Variants in DCT observed in about 807,000 individuals in gnomAD.
The protein encoded by DCT is L-dopachrome tautomerase.
DCT carries 47 observed loss-of-function variants against 53.0 expected under a neutral mutation model. That is an observed-to-expected ratio of 0.89 (90% CI 0.70 to 1.13). The LOEUF is 1.13. Among genes scored for constraint, DCT ranks in the 50% most tolerant of loss-of-function variants. The probability of loss-of-function intolerance (pLI) is 0.00; values close to 1 mark genes in which losing one functional copy is unlikely to be tolerated. For synonymous variants in DCT, 244 were observed against 237.0 expected (o/e 1.03, Z -0.27); for missense variants, 669 against 637.4 (o/e 1.05, Z -0.53).
chr13:94,521,552 C>T, the DCT span, among the ~76,000 whole-genome samples: 19 of 152,136 alleles, frequency 1.2e-4, no homozygotes, highest in Non-Finnish European at 2.1e-4. Flanking sequence ...TGCCTGTAGT[C>T]CCAGCTACTC....
At chr13:94,544,862 A>G in the DCT span, among the ~76,000 whole-genome samples, 1 of 152,156 alleles carries the variant, frequency 6.6e-6, no homozygotes, top group South Asian at 2.1e-4. Flanking sequence ...GTACACATTG[A>G]TGACACAAAA....
chr13:94,467,278 T>C (rs1019797703), intron 2 of DCT: 4 of 152,254 alleles, frequency 2.6e-5, no homozygotes, highest in African/African-American at 9.6e-5. Context: ...CCAATTTTAG[T>C]GAAAAGCTCT....
At chr13:94,507,722 G>A in the DCT span, among the ~76,000 whole-genome samples, 4 of 152,066 alleles carry the variant, frequency 2.6e-5, no homozygotes, top group African/African-American at 4.8e-5. Flanking sequence ...GGATGGTCTC[G>A]ATCTCCTGAC....
the DCT span, among the ~76,000 whole-genome samples, chr13:94,485,508 A>G: frequency 1.1e-4 from 16 of 152,332 alleles, no homozygotes; most frequent in East Asian, 2.3e-3. Context: ...AAAAGGCTTA[A>G]ACGAAGCTGC....
At chr13:94,549,021 A>G in the DCT span, among the ~76,000 whole-genome samples, 1 of 152,140 alleles carries the variant, frequency 6.6e-6, no homozygotes, top group Non-Finnish European at 1.5e-5. Flanking sequence ...ACCCTGGCCA[A>G]CGTTCTTTAG....
intron 6 of DCT, among the ~76,000 whole-genome samples, chr13:94,444,941 A>G (rs7983435): frequency 0.8 from 121,698 of 152,080 alleles, 50,135 homozygotes; most frequent in African/African-American, 0.92. Flanking sequence ...CAACCTGGAC[A>G]GAGTCAATGT....
chr13:94,506,773 C>A, the DCT span, among the ~76,000 whole-genome samples: 1 of 152,028 alleles, frequency 6.6e-6, no homozygotes, highest in Non-Finnish European at 1.5e-5. Context: ...CTGTAGGATA[C>A]CGCCTTAAAC....
intron 6 of DCT, among the ~76,000 whole-genome samples, chr13:94,457,621 A>G (rs767597291): frequency 5.3e-5 from 8 of 152,250 alleles, no homozygotes; most frequent in Non-Finnish European, 8.8e-5. Context: ...TGGATATCAC[A>G]CAATCTAACT....
the DCT span, among the ~76,000 whole-genome samples, chr13:94,535,613 G>T: frequency 6.6e-6 from 1 of 152,166 alleles, no homozygotes; most frequent in Non-Finnish European, 1.5e-5. Flanking sequence ...AACCCATGAG[G>T]CCAAGCAAGA....
rs1881950825 is a variant in DCT at position 94,437,069 on chromosome 13, T to C, written c.*2829A>G. 6.6e-6 allele frequency: 1 copy of C among 152,122 alleles called. No homozygotes were observed. The highest frequency in any genetic ancestry group is 1.5e-5 in the Non-Finnish European group (1 of 68,022). 9.4% of individuals were successfully genotyped at this position (152,122 alleles called of 1,614,324 possible). A position where few individuals can be genotyped will look rare whatever the true frequency, so the allele number is the denominator to read the frequency against. On this transcript the variant is annotated 3_prime_UTR_variant, in exon 8 of 8. Transcript: ENST00000377028. ...ACTGTGGGGAATATCAAAAGTAACTTCACCTGAGGAAAGGCTGGCTCTCCT... is the reference window on the plus strand; with the variant it reads ...ACTGTGGGGAATATCAAAAGTAACTCCACCTGAGGAAAGGCTGGCTCTCCT...
At chr13:94,526,899 A>G in the DCT span, among the ~76,000 whole-genome samples, 2 of 152,000 alleles carry the variant, frequency 1.3e-5, no homozygotes, top group Admixed American at 6.6e-5. Context: ...GTACCTGGAG[A>G]AACAGTACAC....
the DCT span, among the ~76,000 whole-genome samples, chr13:94,513,117 G>A: frequency 3.9e-5 from 6 of 152,334 alleles, no homozygotes; most frequent in South Asian, 6.2e-4. Context: ...CCTGATTCAC[G>A]TCTGTGCTTT....
Position 94,462,207 on chromosome 13 carries a change from AT to A in DCT, c.864-19del. 1 of 1,593,112 alleles carries A rather than the reference AT, an allele frequency of 6.3e-7. No individual in the cohort carries two copies. The highest frequency in any genetic ancestry group is 8.6e-7 in the Non-Finnish European group (1 of 1,161,358). ...CATCCAAGCTAAGATTTGTAATAAG[AT>A]TTAAAATAATATATGTTGGCTGGGC... is the stretch of plus-strand genomic sequence containing the variant. On this transcript the variant is annotated intron_variant, in intron 4 of 7. Transcript: ENST00000377028.
chr13:94,541,181 CA>C, the DCT span, among the ~76,000 whole-genome samples: 1 of 151,666 alleles, frequency 6.6e-6, no homozygotes, highest in Admixed American at 6.6e-5. Flanking sequence ...CTAATGGGCA[CA>C]AAAATACAGT....
At chr13:94,546,252 G>A in the DCT span, among the ~76,000 whole-genome samples, 9 of 152,148 alleles carry the variant, frequency 5.9e-5, no homozygotes, top group East Asian at 9.7e-4. This position sits in a 1 kb window ranked among gnomAD's most constrained non-coding sequence, Gnocchi z 4.2. Context: ...TTTGATCATT[G>A]CCAGCTAGCA....
At chr13:94,539,730 C>T in the DCT span, among the ~76,000 whole-genome samples, 1 of 151,948 alleles carries the variant, frequency 6.6e-6, no homozygotes, top group Admixed American at 6.6e-5. Context: ...GGAACATAAA[C>T]ATGATTGCTA....
chr13:94,483,008 C>T (rs1046291734), upstream of DCT, among the ~76,000 whole-genome samples: 3 of 152,244 alleles, frequency 2.0e-5, no homozygotes, highest in Admixed American at 1.3e-4. Flanking sequence ...CACAGTGGCT[C>T]ATGCCTTGTA....
At chr13:94,440,183 A>C (rs1594265188) in intron 7 of DCT, 107 bp from the exon 8 acceptor site, 1 of 783,172 alleles carries the variant, frequency 1.3e-6, no homozygotes, top group East Asian at 2.6e-5. Context: ...TTGTTGATAA[A>C]GCAAAACTAC....
chr13:94,514,286 A>T, the DCT span, among the ~76,000 whole-genome samples: 3 of 148,050 alleles, frequency 2.0e-5, no homozygotes, highest in Non-Finnish European at 4.5e-5. Context: ...TTCCTCACAG[A>T]GAAAGGGGAG....
Sources: allele counts gnomAD v4.1 joint callset (sites outside exome capture counted in the v4.1 genomes callset), GRCh38; gene constraint gnomAD v4.1.1; non-coding constraint Gnocchi (gnomAD v3.1); transcripts MANE v1.5; gene names NCBI Gene and HGNC (gene_info 2026-07-23, HGNC 2026-07-21).